Variants in MPPED2 observed in about 807,000 individuals in gnomAD.
The protein encoded by MPPED2 is metallophosphoesterase domain containing 2, also known as metallophosphoesterase MPPED2.
A neutral mutation model predicts 33.0 loss-of-function variants in MPPED2; 5 were observed. The observed-to-expected ratio is 0.15, with a 90% CI of 0.08 to 0.32. The LOEUF is 0.32. MPPED2 is among the 10% of genes least tolerant of loss of function. The probability of loss-of-function intolerance (pLI) is 1.00; values close to 1 mark genes in which losing one functional copy is unlikely to be tolerated. For missense variants in MPPED2, 275 were observed against 372.1 expected (o/e 0.74, Z 2.15); for synonymous variants, 136 against 141.9 (o/e 0.96, Z 0.29).
chr11:30,506,804 T>A (rs1022912937), intron 3 of MPPED2, among the ~76,000 whole-genome samples: 2 of 152,360 alleles, frequency 1.3e-5, no homozygotes, highest in African/African-American at 4.8e-5. Context: ...ATAACTACTG[T>A]CATTTTTGCA....
At chr11:30,452,168 C>A (rs1254845120) in intron 4 of MPPED2, 2 of 857,270 alleles carry the variant, frequency 2.3e-6, no homozygotes, top group Non-Finnish European at 1.4e-6. Flanking sequence ...GACTAAACTC[C>A]AAATTCTTGA....
At chr11:30,454,229 C>T (rs1249149009) in intron 4 of MPPED2, among the ~76,000 whole-genome samples, 1 of 152,186 alleles carries the variant, frequency 6.6e-6, no homozygotes, top group Non-Finnish European at 1.5e-5. Context: ...CTTACAGCCT[C>T]ATTAAATCTA....
At chr11:30,406,860 A>T (rs1382700747), downstream of MPPED2, among the ~76,000 whole-genome samples, 1 of 152,192 alleles carries the variant, frequency 6.6e-6, no homozygotes, top group Admixed American at 6.5e-5. Flanking sequence ...GTAGATCTTA[A>T]TTCACTTTTG....
intron 2 of MPPED2, among the ~76,000 whole-genome samples, chr11:30,556,139 C>T (rs1955953447): frequency 6.6e-6 from 1 of 152,130 alleles, no homozygotes; most frequent in African/African-American, 2.4e-5. Context: ...AGTGGAAAGT[C>T]CGGGAACTAA....
At chr11:30,535,890 A>G in intron 3 of MPPED2, 104 bp downstream of exon 3, 1 of 925,894 alleles carries the variant, frequency 1.1e-6, no homozygotes, top group Non-Finnish European at 1.6e-6. Context: ...CATACGAGAA[A>G]TGGCTGAGCT....
At chr11:30,442,056 A>C (rs1949596979) in intron 4 of MPPED2, among the ~76,000 whole-genome samples, 2 of 152,246 alleles carry the variant, frequency 1.3e-5, no homozygotes, top group African/African-American at 4.8e-5. Context: ...GATGGCCAGA[A>C]GGAGCATTTT....
chr11:30,531,689 G>A lies in MPPED2; in HGVS notation c.310+4305C>T, dbSNP rs770493640. Among the ~76,000 whole-genome samples, 6 of 152,084 alleles carry A rather than the reference G, an allele frequency of 3.9e-5. 1 individual carries two copies. The highest frequency in any genetic ancestry group is 1.3e-4 in the Admixed American group (2 of 15,266). ...TGGCTGCATCTGTAGAATTCTTTACGGGTATTTGCTTTGTTGTAACTCACC... is the reference window on the plus strand; with the variant it reads ...TGGCTGCATCTGTAGAATTCTTTACAGGTATTTGCTTTGTTGTAACTCACC... On this transcript the variant is annotated intron_variant, in intron 3 of 6. Coordinates refer to ENST00000358117, the MANE Select transcript of MPPED2 (RefSeq NM_001584.3).
intron 4 of MPPED2, among the ~76,000 whole-genome samples, chr11:30,492,073 G>C (rs1237080401): frequency 6.6e-6 from 1 of 152,178 alleles, no homozygotes; most frequent in Non-Finnish European, 1.5e-5. Context: ...TCTTGACTTT[G>C]CTACCTTGCC....
At chr11:30,553,079 C>T (rs1219985978) in intron 2 of MPPED2, among the ~76,000 whole-genome samples, 1 of 152,134 alleles carries the variant, frequency 6.6e-6, no homozygotes, top group Non-Finnish European at 1.5e-5. Context: ...ACCTCTGCTG[C>T]CTGTGTTCCA....
At position 30,517,433 on chromosome 11, in the gene MPPED2, C is replaced by T. The variant is rs4923642; in HGVS notation, c.310+18561G>A. Among the ~76,000 whole-genome samples, 1,022 of 152,240 alleles carry T rather than the reference C, an allele frequency of 6.7e-3. 5 individuals carry two copies. Among genetic ancestry groups the T allele is most frequent in the Non-Finnish European group, 0.011 (735 of 68,020 alleles). ...CAAGGTAGATTCAAGCCTATGTATACGGTAAAAGACATTTTTTAAACCAAC... is the reference window on the plus strand; with the variant it reads ...CAAGGTAGATTCAAGCCTATGTATATGGTAAAAGACATTTTTTAAACCAAC... On this transcript the variant is annotated intron_variant, in intron 3 of 6. Transcript: ENST00000358117.
At chr11:30,396,699 T>G (rs564832) in intron 6 of MPPED2, among the ~76,000 whole-genome samples, 3 of 152,004 alleles carry the variant, frequency 2.0e-5, no homozygotes, top group African/African-American at 7.2e-5. Context: ...TGAGTTTGAA[T>G]GCTCTTTTTT....
chr11:30,542,480 A>T (rs796736880), intron 2 of MPPED2, among the ~76,000 whole-genome samples: 22 of 149,602 alleles, frequency 1.5e-4, no homozygotes, highest in African/African-American at 5.4e-4. Flanking sequence ...AAAAAAAAAA[A>T]AAAGCCAGGC....
intron 4 of MPPED2, among the ~76,000 whole-genome samples, 189 bp from the exon 5 acceptor site, chr11:30,417,822 C>A (rs1383114124): frequency 6.6e-6 from 1 of 152,072 alleles, no homozygotes; most frequent in Non-Finnish European, 1.5e-5. Context: ...AAGCGTGGAG[C>A]CTACGAATTG....
chr11:30,452,884 G>GA (rs201094889), intron 4 of MPPED2, among the ~76,000 whole-genome samples: 124 of 148,178 alleles, frequency 8.4e-4, no homozygotes, highest in Middle Eastern at 3.4e-3. Flanking sequence ...AGGGATCTGG[G>GA]AAAAAAAAAA....
chr11:30,500,103 C>T (rs565580477), intron 3 of MPPED2, among the ~76,000 whole-genome samples: 3 of 152,298 alleles, frequency 2.0e-5, no homozygotes, highest in South Asian at 2.1e-4. Context: ...TCAAAAATTA[C>T]TCAATGCAAT....
intron 2 of MPPED2, among the ~76,000 whole-genome samples, chr11:30,558,691 G>T (rs988319639): frequency 1.3e-5 from 2 of 151,720 alleles, no homozygotes; most frequent in African/African-American, 4.8e-5. Context: ...CAAAGTGCTG[G>T]GATTACAGGC....
chr11:30,420,321 C>T (rs2133785981), intron 4 of MPPED2, among the ~76,000 whole-genome samples: 1 of 152,234 alleles, frequency 6.6e-6, no homozygotes, highest in East Asian at 1.9e-4. Flanking sequence ...ACGTGGGCAA[C>T]CTGTAGAAGC....
intron 1 of MPPED2, chr11:30,584,060 G>C (rs1244188481): frequency 6.6e-6 from 1 of 152,068 alleles, no homozygotes; most frequent in African/African-American, 2.4e-5. Context: ...GGTTTTTTTG[G>C]GGGAGGCTGA....
chr11:30,490,833 T>C (rs1951945437), intron 4 of MPPED2, among the ~76,000 whole-genome samples: 1 of 152,188 alleles, frequency 6.6e-6, no homozygotes, highest in Admixed American at 6.5e-5. Flanking sequence ...ACTAATATTC[T>C]TTTTCTGTAG....
Sources: allele counts gnomAD v4.1 joint callset (sites outside exome capture counted in the v4.1 genomes callset), GRCh38; gene constraint gnomAD v4.1.1; transcripts MANE v1.5; gene names NCBI Gene and HGNC (gene_info 2026-07-23, HGNC 2026-07-21).